Variants in LRRC34 observed in about 807,000 individuals in gnomAD.
LRRC34 encodes leucine-rich repeat-containing protein 34.
Under a neutral mutation model 48.5 loss-of-function variants are expected in LRRC34, and 44 were observed. The ratio of observed to expected loss-of-function variants is 0.91; its 90% CI spans 0.71 to 1.17. LRRC34 has a LOEUF of 1.17. LRRC34 is among the 50% of genes most tolerant of loss of function. The pLI, the probability that LRRC34 is intolerant of heterozygous loss-of-function variation, is 0.00. For synonymous variants in LRRC34, 192 were observed against 197.6 expected, an observed-to-expected ratio of 0.97 and a Z score of 0.24; for missense variants, 502 against 563.0, an observed-to-expected ratio of 0.89 and a Z score of 1.10.
intron 9 of LRRC34, chr3:169,795,890 A>G: frequency 8.6e-7 from 1 of 1,161,168 alleles, no homozygotes; most frequent in Non-Finnish European, 1.1e-6. Flanking sequence ...GCATCCAAGT[A>G]TTTTATTCTT....
chr3:169,812,218 C>T lies in LRRC34; in HGVS notation c.139+192G>A, dbSNP rs1490272223. On this transcript the variant is annotated intron_variant, in intron 1 of 10. Transcript: ENST00000446859. This position sits in a 1 kb window ranked among gnomAD's most constrained non-coding sequence, Gnocchi z 4.3. ...CCTGCCCCCGGTCGCAAAGGGCGAC[C>T]GGGGACTCTTCTCCTGCCCTCGTTT... Among the ~76,000 whole-genome samples the T allele has an allele frequency of 6.6e-6, 1 of 151,808 alleles. No homozygotes were observed. The highest frequency in any genetic ancestry group is 1.5e-5 in the Non-Finnish European group (1 of 67,906).
chr3:169,809,503 G>A (rs1229310000), intron 1 of LRRC34, among the ~76,000 whole-genome samples: 1 of 152,166 alleles, frequency 6.6e-6, no homozygotes. Context: ...CACAAAGCAG[G>A]AGTTGAGATC....
In LRRC34 at chr3:169,810,130, G is replaced by A. The variant is rs555975560; in HGVS notation, c.140-1385C>T. Reference sequence around the variant, plus strand: ...CACCACCACACCCAGCTATAAAGACGGGGTTTCACCATGTTGGCCAGGCTG... The same window carrying A: ...CACCACCACACCCAGCTATAAAGACAGGGTTTCACCATGTTGGCCAGGCTG... On this transcript the variant is annotated intron_variant, in intron 1 of 10. Coordinates refer to ENST00000446859, the MANE Select transcript of LRRC34 (RefSeq NM_001172779.2). Among the ~76,000 whole-genome samples, 44 of 151,222 alleles carry A rather than the reference G, an allele frequency of 2.9e-4. No individual in the cohort carries two copies. In the Middle Eastern group the frequency reaches 0.014, roughly 47 times the overall value.
chr3:169,807,375 A>C (rs1779413809), intron 4 of LRRC34, 51 bp downstream of exon 4: 1 of 1,496,712 alleles, frequency 6.7e-7, no homozygotes, highest in Non-Finnish European at 9.3e-7. Flanking sequence ...TCATTAGACT[A>C]ATTGGTTTCA....
At position 169,800,679 on chromosome 3, in the gene LRRC34, G is replaced by T. The variant is rs906722069; in HGVS notation, c.733C>A (p.Pro245Thr). Reference sequence around the variant, plus strand: ...CATACCTGTTCACTGTACAGTATAGGTCGGTTTAGGTTTATTGCCTTAATT... The same window carrying T: ...CATACCTGTTCACTGTACAGTATAGTTCGGTTTAGGTTTATTGCCTTAATT... ...QAIKAINLNR[P>T]ILYSEQEEST... is the part of the protein sequence containing the mutation. The change falls in exon 7 of 11, where the codon CCT becomes ACT. Residue 245 changes from proline to threonine, a missense_variant. Transcript: ENST00000446859. 1 of 1,533,666 alleles carries T rather than the reference G, an allele frequency of 6.5e-7. No homozygotes were observed. Among genetic ancestry groups the T allele is most frequent in the Non-Finnish European group, 8.7e-7 (1 of 1,145,426 alleles).
In LRRC34 at chr3:169,803,960, TAA is replaced by T. The variant is rs372935425; in HGVS notation, c.657+91_657+92del. 792 of 1,281,998 alleles carry T rather than the reference TAA, an allele frequency of 6.2e-4. 1 individual carries two copies. In the African/African-American group the frequency reaches 7.5e-3, roughly 12 times the overall value. 79.4% of individuals were successfully genotyped at this position (1,281,998 alleles called of 1,614,324 possible). On this transcript the variant is annotated intron_variant, in intron 6 of 10. Coordinates refer to ENST00000446859, the MANE Select transcript of LRRC34 (RefSeq NM_001172779.2). ...AACACCTTTTCTCTGATATTAGACA[TAA>T]GAGGCAAAATTAATCATTCATAAGA...
In LRRC34 at chr3:169,812,766, TC is replaced by T. The variant is rs1779649633; in HGVS notation, c.-219del. 1.7e-6 allele frequency: 1 copy of T among 588,982 alleles called. No homozygotes were observed. Among genetic ancestry groups the T allele is most frequent in the Non-Finnish European group, 2.7e-6 (1 of 365,316 alleles). The allele number at this position is 588,982 out of a possible 1,614,324, so 36.5% of individuals were successfully genotyped here. Reference sequence around the variant, plus strand: ...TCCTGGCTCCTTTGCAGGGAGGAGTTCCCGAGGTTTGAGGGGCTCCGCTGCT... The same window carrying T: ...TCCTGGCTCCTTTGCAGGGAGGAGTTCCGAGGTTTGAGGGGCTCCGCTGCT... On this transcript the variant is annotated 5_prime_UTR_variant, in exon 1 of 11. The change abolishes the stop of an existing upstream ORF in the 5' untranslated region. Transcript: ENST00000446859. The surrounding 1 kb of genome is among the most constrained non-coding windows in gnomAD (Gnocchi z 4.3).
In LRRC34 at chr3:169,804,138, A is replaced by C. The variant is rs374688394; in HGVS notation, c.572T>G (p.Ile191Ser). The C allele has an allele frequency of 6.2e-7, 1 of 1,605,120 alleles. No homozygotes were observed. The highest frequency in any genetic ancestry group is 1.3e-5 in the African/African-American group (1 of 74,640). The part of the protein sequence containing the change: ...LKYLRMTGNK[I>S]ENKGGMFFAA... ...AAAAAACATTCCACCTTTATTTTCA[A>C]TTTTGTTTCCAGTCATTCTTAGGTA... Residue 191 changes from isoleucine (I) to serine (S), a missense_variant, in exon 6 of 11, where the codon ATT becomes AGT. Transcript: ENST00000446859.
intron 6 of LRRC34, 197 bp downstream of exon 6, chr3:169,803,855 TA>T: frequency 2.6e-6 from 1 of 380,028 alleles, no homozygotes; most frequent in African/African-American, 2.1e-5. Context: ...AGTTTAGGAA[TA>T]TTTTTATTAA....
intron 1 of LRRC34, among the ~76,000 whole-genome samples, chr3:169,809,377 T>C (rs139368579): frequency 1.3e-5 from 2 of 152,272 alleles, no homozygotes; most frequent in African/African-American, 4.8e-5. Context: ...AGTTTGAATG[T>C]AACTGTCATT....
At chr3:169,800,379 T>C (rs943541612) in intron 7 of LRRC34, among the ~76,000 whole-genome samples, 2 of 152,260 alleles carry the variant, frequency 1.3e-5, no homozygotes, top group African/African-American at 4.8e-5. Context: ...TTAACTACTT[T>C]GACCCTCACA....
chr3:169,807,797 A>T, intron 2 of LRRC34, 88 bp from the exon 3 acceptor site: 1 of 1,341,226 alleles, frequency 7.5e-7, no homozygotes, highest in South Asian at 1.6e-5. Context: ...CTTCATGTAT[A>T]AATAGTCATA....
rs1778860939 is a variant in LRRC34 at position 169,793,334 on chromosome 3, T to C, written c.*301A>G. ...TTCAGTTAGATACCTACAATGACCT[T>C]TACTTGTACGCTATTTCACTACTTG... is the stretch of plus-strand genomic sequence containing the variant. On this transcript the variant is annotated 3_prime_UTR_variant, in exon 11 of 11. Transcript: ENST00000446859. The C allele has an allele frequency of 4.5e-6, 1 of 221,386 alleles. No homozygotes were observed. Among genetic ancestry groups the C allele is most frequent in the East Asian group, 1.1e-4 (1 of 9,498 alleles). The allele number at this position is 221,386 out of a possible 1,614,324, so 13.7% of individuals were successfully genotyped here. A position where few individuals can be genotyped will look rare whatever the true frequency, so the allele number is the denominator to read the frequency against.
chr3:169,796,664 G>T, intron 8 of LRRC34, 81 bp downstream of exon 8: 8 of 1,353,468 alleles, frequency 5.9e-6, no homozygotes, highest in Non-Finnish European at 8.0e-6. Context: ...GTCTAACAAC[G>T]TATCCCAAGT....
chr3:169,802,473 G>A (rs1489733597), intron 6 of LRRC34, among the ~76,000 whole-genome samples: 2 of 152,100 alleles, frequency 1.3e-5, no homozygotes, highest in African/African-American at 2.4e-5. Flanking sequence ...CCCATTATCA[G>A]AGTACTCAGT....
At position 169,812,161 on chromosome 3, in the gene LRRC34, A is replaced by G. The variant is rs555100154; in HGVS notation, c.139+249T>C. 4.3e-4 allele frequency among the ~76,000 whole-genome samples: 64 copies of G among 147,736 alleles called. No homozygotes were observed. Among genetic ancestry groups the G allele is most frequent in the African/African-American group, 1.5e-3 (58 of 39,478 alleles). ...GCACAACCTATCGCGCAAAGGGCGG[A>G]CCCACGGGAACTCCTCTCCGTGGAC... is the stretch of plus-strand genomic sequence containing the variant. On this transcript the variant is annotated intron_variant, in intron 1 of 10. Transcript: ENST00000446859. This position sits in a 1 kb window ranked among gnomAD's most constrained non-coding sequence, Gnocchi z 4.3.
intron 5 of LRRC34, among the ~76,000 whole-genome samples, chr3:169,805,051 A>G (rs944694430): frequency 1.2e-4 from 18 of 152,248 alleles, no homozygotes; most frequent in African/African-American, 3.6e-4. Context: ...TAGGACATAT[A>G]ATAGTGTAAA....
chr3:169,807,283 A>T, intron 4 of LRRC34, 143 bp downstream of exon 4: 2 of 789,306 alleles, frequency 2.5e-6, no homozygotes, highest in East Asian at 5.4e-5. Flanking sequence ...CAAATCCACA[A>T]TGGGTTTCCA....
chr3:169,798,608 C>G (rs1020894337), intron 7 of LRRC34, among the ~76,000 whole-genome samples: 1 of 152,112 alleles, frequency 6.6e-6, no homozygotes, highest in African/African-American at 2.4e-5. Flanking sequence ...CTGAGAGCAA[C>G]AAGGGGGCCT....
Sources: allele counts gnomAD v4.1 joint callset (sites outside exome capture counted in the v4.1 genomes callset), GRCh38; gene constraint gnomAD v4.1.1; non-coding constraint Gnocchi (gnomAD v3.1); transcripts MANE v1.5; gene names NCBI Gene and HGNC (gene_info 2026-07-23, HGNC 2026-07-21).